The following SLC9A4 variants were observed in gnomAD, a reference collection of about 807,000 sequenced individuals.
SLC9A4 encodes solute carrier family 9 member A4, also known as sodium/hydrogen exchanger 4.
In SLC9A4, 63 loss-of-function variants were observed where a neutral mutation model predicts 67.4. The ratio of observed to expected loss-of-function variants is 0.93; its 90% CI spans 0.76 to 1.15. The LOEUF (loss-of-function observed/expected upper bound fraction) is 1.15, where lower values mean the gene tolerates loss of function less well. Ranked by LOEUF, SLC9A4 falls within the 50% of genes most tolerant of loss-of-function variation. The pLI, the probability that SLC9A4 is intolerant of heterozygous loss-of-function variation, is 0.00. For missense variants in SLC9A4, 1,089 were observed against 987.7 expected (o/e 1.10, Z -1.38); for synonymous variants, 393 against 367.2 (o/e 1.07, Z -0.80).
chr2:102,492,371 G>A (rs568181728), intron 2 of SLC9A4, among the ~76,000 whole-genome samples: 1 of 152,328 alleles, frequency 6.6e-6, no homozygotes, highest in African/African-American at 2.4e-5. Context: ...CTTCAGCCTG[G>A]ACATCCAGGC....
intron 3 of SLC9A4, among the ~76,000 whole-genome samples, chr2:102,504,336 T>C (rs376676898): frequency 1.3e-3 from 199 of 152,312 alleles, no homozygotes; most frequent in Non-Finnish European, 2.3e-3. Flanking sequence ...AATTTTAAAG[T>C]TGAAGAGAGG....
At chr2:102,528,009 CGA>C in intron 11 of SLC9A4, among the ~76,000 whole-genome samples, 1 of 148,742 alleles carries the variant, frequency 6.7e-6, no homozygotes, top group South Asian at 2.1e-4. Flanking sequence ...ATGTTGCCAA[CGA>C]TTTTTTTATT....
At position 102,508,256 on chromosome 2, in the gene SLC9A4, T is replaced by G; in HGVS notation, c.1376T>G (p.Val459Gly). The change falls in exon 5 of 12, where the codon GTT becomes GGT. Residue 459 changes from valine to glycine, a missense_variant. By Grantham distance (109) the Val-to-Gly change is moderately radical (BLOSUM62 -3). Coordinates refer to ENST00000295269, the MANE Select transcript of SLC9A4 (RefSeq NM_001011552.4). ...ATGTTTGTCACTGCTACTCTAGTAG[T>G]TATATACTTTACTGTATTTATTCAG... ...KKMFVTATLV[V>G]IYFTVFIQGI... The G allele has an allele frequency of 6.2e-7, 1 of 1,613,762 alleles. No individual in the cohort carries two copies. The highest frequency in any genetic ancestry group is 8.5e-7 in the Non-Finnish European group (1 of 1,179,754).
chr2:102,494,507 T>C (rs1220533999), intron 2 of SLC9A4, among the ~76,000 whole-genome samples: 1 of 152,148 alleles, frequency 6.6e-6, no homozygotes, highest in Non-Finnish European at 1.5e-5. Flanking sequence ...ACATTAACTG[T>C]TAATGGACTA....
At chr2:102,499,866 G>T (rs546291285) in intron 2 of SLC9A4, among the ~76,000 whole-genome samples, 1 of 152,252 alleles carries the variant, frequency 6.6e-6, no homozygotes, top group African/African-American at 2.4e-5. Context: ...TGAACCATTT[G>T]GGGAATAAGC....
Position 102,512,230 on chromosome 2 carries a change from G to A in SLC9A4, c.1516G>A (p.Glu506Lys), listed in dbSNP as rs146351319. 7 of 1,613,986 alleles carry A rather than the reference G, an allele frequency of 4.3e-6. No individual in the cohort carries two copies. The highest frequency in any genetic ancestry group is 3.3e-5 in the Admixed American group (2 of 60,002). The part of the protein sequence containing the change: ...RLMDHLKAGI[E>K]DVCGHWSHYQ... The stretch of plus-strand genomic sequence containing the variant: ...GATGGATCACTTAAAGGCTGGAATC[G>A]AAGATGTGTGTGGGCACTGGAGTCA... Residue 506 changes from glutamate to lysine, a missense_variant, in exon 7 of 12, where the codon GAA becomes AAA. Coordinates refer to ENST00000295269, the MANE Select transcript of SLC9A4 (RefSeq NM_001011552.4).
chr2:102,485,803 G>A (rs1369288472), intron 2 of SLC9A4, among the ~76,000 whole-genome samples: 1 of 152,202 alleles, frequency 6.6e-6, no homozygotes, highest in Non-Finnish European at 1.5e-5. Flanking sequence ...GCCCCCAAGA[G>A]GGAGCAAACT....
chr2:102,518,354 G>A lies in SLC9A4; in HGVS notation c.1722-1505G>A, dbSNP rs948856020. ...GACTAGCTGTTGTTTCTGCTTAGCA[G>A]TACATCACATTCACCACATTAAAGG... On this transcript the variant is annotated intron_variant, in intron 8 of 11. Transcript: ENST00000295269. Among the ~76,000 whole-genome samples, 18 of 152,326 alleles carry A rather than the reference G, an allele frequency of 1.2e-4. 2 individuals carry two copies. In the Middle Eastern group the frequency reaches 0.014, roughly 115 times the overall value.
intron 3 of SLC9A4, among the ~76,000 whole-genome samples, chr2:102,504,920 A>T (rs1685016684): frequency 1.5e-5 from 2 of 131,312 alleles, no homozygotes; most frequent in Non-Finnish European, 3.2e-5. Context: ...AGAGTAACGC[A>T]GAGAGTGTGA....
In SLC9A4 at chr2:102,479,294, A is replaced by T; in HGVS notation, c.712A>T (p.Ile238Phe). 1.2e-6 allele frequency: 2 copies of T among 1,608,392 alleles called. No individual in the cohort carries two copies. The highest frequency in any genetic ancestry group is 1.7e-6 in the Non-Finnish European group (2 of 1,177,668). Residue 238 changes from isoleucine (I) to phenylalanine (F), a missense_variant, in exon 2 of 12, where the codon ATT (isoleucine) becomes TTT (phenylalanine). Physicochemically the swap from Ile to Phe is conservative, Grantham distance 21. Coordinates refer to ENST00000295269, the MANE Select transcript of SLC9A4 (RefSeq NM_001011552.4). Reference protein sequence around the residue: ...IFGEALLNDGITVVLYNMLIA... With the variant: ...IFGEALLNDGFTVVLYNMLIA... ...TGGGGAGGCCCTGCTCAATGATGGCATTACTGTGGTGAGATGTCATGTGCC... is the reference window on the plus strand; with the variant it reads ...TGGGGAGGCCCTGCTCAATGATGGCTTTACTGTGGTGAGATGTCATGTGCC...
chr2:102,473,566 A>G lies in SLC9A4; in HGVS notation c.-194A>G, dbSNP rs1477963519. The G allele has an allele frequency of 1.6e-5, 10 of 631,472 alleles. No individual in the cohort carries two copies. The highest frequency in any genetic ancestry group is 2.6e-5 in the Non-Finnish European group (10 of 380,098). The allele number at this position is 631,472 out of a possible 1,614,324, so 39.1% of individuals were successfully genotyped here. ...TGGAAGCTGAGTTGCCTGAACACAA[A>G]CGATTTAAACCAGATTAGAAAGTGT... On this transcript the variant is annotated 5_prime_UTR_variant, in exon 1 of 12. Coordinates refer to ENST00000295269, the MANE Select transcript of SLC9A4 (RefSeq NM_001011552.4).
intron 11 of SLC9A4, among the ~76,000 whole-genome samples, chr2:102,532,120 T>C (rs916041217): frequency 6.6e-6 from 1 of 152,212 alleles, no homozygotes. Flanking sequence ...TTCTATTTAT[T>C]TATGACACTG....
chr2:102,479,861 T>C (rs1383699843), intron 2 of SLC9A4, among the ~76,000 whole-genome samples: 1 of 152,196 alleles, frequency 6.6e-6, no homozygotes, highest in Non-Finnish European at 1.5e-5. Context: ...TTTTTGCTTA[T>C]GAGCCTTTCT....
intron 9 of SLC9A4, among the ~76,000 whole-genome samples, chr2:102,524,556 T>TTGTGTGTGTGTGTGTGTGTGTGTG (rs147920382): frequency 6.9e-6 from 1 of 145,414 alleles, no homozygotes; most frequent in African/African-American, 2.5e-5. Flanking sequence ...GTGATAGGAA[T>TTGTGTGTGTGTGTGTGTGTGTGTG]TGTGTGTGTG....
In SLC9A4 at chr2:102,514,178, C is replaced by T. The variant is rs745963544; in HGVS notation, c.1648C>T (p.Leu550=). The T allele has an allele frequency of 6.2e-7, 1 of 1,614,022 alleles. No homozygotes were observed. The highest frequency in any genetic ancestry group is 8.5e-7 in the Non-Finnish European group (1 of 1,179,988). ...AAGCATTGTTTCTTTGTACAAGAAG[C>T]TGGAAATGAAGCAAGCCATCGAGAT... ...KSSIVSLYKK[L]EMKQAIEMVE... The change falls in exon 8 of 12, where the codon CTG becomes TTG. Residue 550 remains leucine (L), a synonymous_variant. Coordinates refer to ENST00000295269, the MANE Select transcript of SLC9A4 (RefSeq NM_001011552.4).
chr2:102,475,588 G>T (rs184711239), intron 1 of SLC9A4, among the ~76,000 whole-genome samples: 1 of 152,194 alleles, frequency 6.6e-6, no homozygotes, highest in Admixed American at 6.5e-5. Flanking sequence ...ATTATTCATA[G>T]AACTGTTGGT....
intron 11 of SLC9A4, 113 bp downstream of exon 11, chr2:102,526,459 T>C (rs1017973341): frequency 6.8e-6 from 6 of 881,436 alleles, no homozygotes; most frequent in African/African-American, 5.2e-5. Context: ...ACTTACATGA[T>C]AAGAAAAAGA....
intron 2 of SLC9A4, among the ~76,000 whole-genome samples, chr2:102,492,533 T>G (rs963897113): frequency 1.3e-5 from 2 of 152,234 alleles, no homozygotes; most frequent in African/African-American, 4.8e-5. Context: ...TTGGCCCCTT[T>G]TAGCCACAGC....
intron 2 of SLC9A4, among the ~76,000 whole-genome samples, chr2:102,490,710 T>TAAA (rs1684677446): frequency 6.6e-6 from 1 of 152,232 alleles, no homozygotes; most frequent in African/African-American, 2.4e-5. Flanking sequence ...AAGGTTCATC[T>TAAA]AGAACCAAGC....
Sources: allele counts gnomAD v4.1 joint callset (sites outside exome capture counted in the v4.1 genomes callset), GRCh38; gene constraint gnomAD v4.1.1; transcripts MANE v1.5; gene names NCBI Gene and HGNC (gene_info 2026-07-23, HGNC 2026-07-21).